JAKMIP1: variants seen among roughly 807,000 people sequenced by gnomAD.
JAKMIP1 encodes the protein janus kinase and microtubule-interacting protein 1.
In JAKMIP1, 33 loss-of-function variants were observed where a neutral mutation model predicts 113.0. The observed-to-expected ratio is 0.29, with a 90% CI of 0.22 to 0.39. JAKMIP1 has a LOEUF of 0.39. Ranked by LOEUF, JAKMIP1 falls within the 10% of genes least tolerant of loss-of-function variation. The pLI is 1.00. For synonymous variants in JAKMIP1, 480 were observed against 459.9 expected, an observed-to-expected ratio of 1.04 and a Z score of -0.56; for missense variants, 813 against 1,080.5, an observed-to-expected ratio of 0.75 and a Z score of 3.47.
chr4:6,062,785 C>T (rs1333540232), intron 9 of JAKMIP1, among the ~76,000 whole-genome samples: 1 of 152,228 alleles, frequency 6.6e-6, no homozygotes, highest in Non-Finnish European at 1.5e-5. Context: ...AGCCCCAACT[C>T]CAGAAGCAAA....
rs547536549 is a variant in JAKMIP1, at chr4:6,129,186, C to T, written c.-147-16189G>A. Among the ~76,000 whole-genome samples the T allele has an allele frequency of 2.6e-5, 4 of 152,336 alleles. No individual in the cohort carries two copies. Among genetic ancestry groups the T allele is most frequent in the South Asian group, 2.1e-4 (1 of 4,826 alleles). On this transcript the variant is annotated intron_variant, in intron 1 of 20. Transcript: ENST00000409021. The surrounding 1 kb of genome is among the most constrained non-coding windows in gnomAD (Gnocchi z 5.4). ...TACAGAGTTCAGGCAGGAGGACACACGCCATCCAGCCATCAAGGGACACAG... is the reference window on the plus strand; with the variant it reads ...TACAGAGTTCAGGCAGGAGGACACATGCCATCCAGCCATCAAGGGACACAG...
rs546311971 is a variant in JAKMIP1 at position 6,138,997 on chromosome 4, C to A, written c.-147-26000G>T. Among the ~76,000 whole-genome samples, 1 of 151,644 alleles carries A rather than the reference C, an allele frequency of 6.6e-6. No homozygotes were observed. Among genetic ancestry groups the A allele is most frequent in the South Asian group, 2.1e-4 (1 of 4,796 alleles). ...AATATGTCTCCCCACCCCACCCTGT[C>A]TGTTCATCCTCCATGGCCTTAGTCA... is the stretch of plus-strand genomic sequence containing the variant. On this transcript the variant is annotated intron_variant, in intron 1 of 20. Coordinates refer to ENST00000409021, the MANE Select transcript of JAKMIP1 (RefSeq NM_001099433.2). This position sits in a 1 kb window ranked among gnomAD's most constrained non-coding sequence, Gnocchi z 6.0.
Position 6,143,180 on chromosome 4 carries a change from C to T in JAKMIP1, c.-147-30183G>A, listed in dbSNP as rs887018232. 8.5e-5 allele frequency among the ~76,000 whole-genome samples: 13 copies of T among 152,218 alleles called. No homozygotes were observed. The highest frequency in any genetic ancestry group is 1.9e-4 in the East Asian group (1 of 5,188). On this transcript the variant is annotated intron_variant, in intron 1 of 20. Transcript: ENST00000409021. This position sits in a 1 kb window ranked among gnomAD's most constrained non-coding sequence, Gnocchi z 4.9. ...TGTGAGTACGAGCTAAGTTAACCCA[C>T]GCACAGCACCTTGCACAGTGCCTGG...
In JAKMIP1 at chr4:6,052,650, TAA is replaced by T. The variant is rs762425260; in HGVS notation, c.1806+1398_1806+1399del. On this transcript the variant is annotated intron_variant, in intron 13 of 20. Transcript: ENST00000409021. ...TGGGTGACAGAGCGAGACTCTGTCC[TAA>T]AAAAAAAAAAAAAAAAAAAAAAGCC... 2.8e-4 allele frequency among the ~76,000 whole-genome samples: 15 copies of T among 54,000 alleles called. No homozygotes were observed. In the South Asian group the frequency reaches 4.3e-3, roughly 15 times the overall value. 35.4% of individuals were successfully genotyped at this position (54,000 alleles called of 152,430 possible). A position where few individuals can be genotyped will look rare whatever the true frequency, so the allele number is the denominator to read the frequency against.
intron 1 of JAKMIP1, among the ~76,000 whole-genome samples, chr4:6,147,734 A>C (rs1387000072): frequency 6.6e-6 from 1 of 152,206 alleles, no homozygotes; most frequent in African/African-American, 2.4e-5. Context: ...CTCTGCCCAG[A>C]GGGCCCGGCC....
intron 2 of JAKMIP1, among the ~76,000 whole-genome samples, chr4:6,110,665 C>A (rs1252608308): frequency 6.9e-6 from 1 of 145,264 alleles, no homozygotes. Context: ...CTGTGTGTGA[C>A]TGTCTCATTC....
At chr4:6,035,855 A>G in intron 19 of JAKMIP1, 49 bp downstream of exon 19, 1 of 1,477,718 alleles carries the variant, frequency 6.8e-7, no homozygotes, top group Non-Finnish European at 9.1e-7. Context: ...TGCACACAGG[A>G]CAACAAGGGT....
chr4:6,026,610 G>C (rs11943216), intron 20 of JAKMIP1, among the ~76,000 whole-genome samples: 48,827 of 151,530 alleles, frequency 0.32, 8,204 homozygotes, highest in African/African-American at 0.38. Context: ...GGGCAGGCCG[G>C]TATAAATAGA....
At position 6,194,377 on chromosome 4, in the gene JAKMIP1, T is replaced by A. The variant is rs1727622150; in HGVS notation, c.-148+5876A>T. 6.6e-6 allele frequency: 1 copy of A among 151,744 alleles called. No individual in the cohort carries two copies. 9.4% of individuals were successfully genotyped at this position (151,744 alleles called of 1,614,324 possible). A position where few individuals can be genotyped will look rare whatever the true frequency, so the allele number is the denominator to read the frequency against. On this transcript the variant is annotated intron_variant, in intron 1 of 20. Coordinates refer to ENST00000409021, the MANE Select transcript of JAKMIP1 (RefSeq NM_001099433.2). This position sits in a 1 kb window ranked among gnomAD's most constrained non-coding sequence, Gnocchi z 7.4. ...CAGGTTGTGATCTCATTCAATACAG[T>A]CCCATGTCAGAACAAGCAGAGAGGG...
Position 6,044,156 on chromosome 4 carries a change from T to C in JAKMIP1, c.2029-1929A>G, listed in dbSNP as rs575871025. 1.0e-4 allele frequency among the ~76,000 whole-genome samples: 15 copies of C among 150,140 alleles called. No homozygotes were observed. In the East Asian group the frequency reaches 2.7e-3, roughly 27 times the overall value. ...CTCCATGGTGCCCATGTCAGTCATC[T>C]TGTGAATGCCGGGTCGTAGCACTCA... On this transcript the variant is annotated intron_variant, in intron 16 of 20. Transcript: ENST00000409021. This position sits in a 1 kb window ranked among gnomAD's most constrained non-coding sequence, Gnocchi z 4.4.
chr4:6,053,645 T>A (rs1026101570), intron 13 of JAKMIP1: 12 of 302,192 alleles, frequency 4.0e-5, no homozygotes. Context: ...AAAAGGTGTG[T>A]TATTAATTGC....
At chr4:6,073,077 TAAAAAAAAA>T (rs5855900) in intron 8 of JAKMIP1, among the ~76,000 whole-genome samples, 1 of 123,896 alleles carries the variant, frequency 8.1e-6, no homozygotes, top group African/African-American at 3.1e-5. Context: ...AACTCTGTCT[TAAAAAAAAA>T]AAAAAAAAAA....
chr4:6,070,437 G>C (rs1204292051), intron 8 of JAKMIP1, among the ~76,000 whole-genome samples: 2 of 152,252 alleles, frequency 1.3e-5, no homozygotes, highest in Non-Finnish European at 2.9e-5. Context: ...TGCTGGCCAC[G>C]CCAACCGCGG....
rs115835226 is a variant in JAKMIP1 at position 6,086,714 on chromosome 4, A to G, written c.625-1085T>C. ...GGCCTTCCTGGAACTTCAGAATGGG[A>G]CCTTATTTGGAAAGAGGGTAACTGC... On this transcript the variant is annotated intron_variant, in intron 3 of 20. Transcript: ENST00000409021. The surrounding 1 kb of genome is among the most constrained non-coding windows in gnomAD (Gnocchi z 4.1). 0.011 allele frequency among the ~76,000 whole-genome samples: 1,718 copies of G among 152,108 alleles called. 43 individuals carry two copies. The highest frequency in any genetic ancestry group is 0.039 in the African/African-American group (1,600 of 41,494).
At position 6,040,401 on chromosome 4, in the gene JAKMIP1, T is replaced by C. The variant is rs1714160835; in HGVS notation, c.2175+238A>G. 6.6e-6 allele frequency among the ~76,000 whole-genome samples: 1 copy of C among 152,208 alleles called. No individual in the cohort carries two copies. The highest frequency in any genetic ancestry group is 6.5e-5 in the Admixed American group (1 of 15,280). On this transcript the variant is annotated intron_variant, in intron 18 of 20. Transcript: ENST00000409021. The surrounding 1 kb of genome is among the most constrained non-coding windows in gnomAD (Gnocchi z 5.8). Reference sequence around the variant, plus strand: ...ATTCATCTCAAATGATTACTAGAATTTAAGAAGCATGTCTAAGAAAACCAT... The same window carrying C: ...ATTCATCTCAAATGATTACTAGAATCTAAGAAGCATGTCTAAGAAAACCAT...
chr4:6,133,506 G>A (rs942585820), intron 1 of JAKMIP1, among the ~76,000 whole-genome samples: 8 of 152,188 alleles, frequency 5.3e-5, no homozygotes, highest in East Asian at 1.9e-4. Context: ...CCAGCCTGAC[G>A]CAAGCAGATT....
chr4:6,195,899 G>A (rs955917180), intron 1 of JAKMIP1, among the ~76,000 whole-genome samples: 8 of 152,226 alleles, frequency 5.3e-5, no homozygotes, highest in Non-Finnish European at 7.3e-5. Context: ...ACAAATGGGC[G>A]TGGCTGTGTT....
rs73795778 is a variant in JAKMIP1, at chr4:6,197,619, T to C, written c.-148+2634A>G. On this transcript the variant is annotated intron_variant, in intron 1 of 20. Transcript: ENST00000409021. The surrounding 1 kb of genome is among the most constrained non-coding windows in gnomAD (Gnocchi z 6.5). ...CTGCAGGTTGATCCCGTCGCCACTA[T>C]GGGGAGAGGAGTGACCCAGCAGAAC... Among the ~76,000 whole-genome samples, 40 of 152,316 alleles carry C rather than the reference T, an allele frequency of 2.6e-4. No individual in the cohort carries two copies. Among genetic ancestry groups the C allele is most frequent in the African/African-American group, 8.7e-4 (36 of 41,574 alleles).
chr4:6,128,387 AC>A (rs956657980), intron 1 of JAKMIP1, among the ~76,000 whole-genome samples: 4 of 152,084 alleles, frequency 2.6e-5, no homozygotes, highest in African/African-American at 9.7e-5. Context: ...ACAGAAGGCC[AC>A]CTGCTTCCGT....
Sources: gnomAD v4.1 joint callset for allele counts (sites outside exome capture counted in the v4.1 genomes callset) on GRCh38, gnomAD v4.1.1 for gene constraint, Gnocchi (gnomAD v3.1) non-coding constraint, MANE v1.5 for transcripts, NCBI Gene and HGNC (gene_info 2026-07-23, HGNC 2026-07-21) for gene names.